RALYL: variants seen among roughly 807,000 people sequenced by gnomAD.
RALYL encodes the protein RALY RNA binding protein like, also known as RNA-binding Raly-like protein.
Under a neutral mutation model 35.1 loss-of-function variants are expected in RALYL, and 29 were observed. The ratio of observed to expected loss-of-function variants is 0.83; its 90% CI spans 0.61 to 1.13. RALYL has a LOEUF of 1.13. Among genes scored for constraint, RALYL ranks in the 50% most tolerant of loss-of-function variants. The pLI is 0.00. For synonymous variants in RALYL, 120 were observed against 127.6 expected, an observed-to-expected ratio of 0.94 and a Z score of 0.40; for missense variants, 359 against 360.4, an observed-to-expected ratio of 1.00 and a Z score of 0.03.
intron 2 of RALYL, among the ~76,000 whole-genome samples, chr8:84,747,369 C>T (rs1480052198): frequency 6.6e-6 from 1 of 151,736 alleles, no homozygotes; most frequent in Admixed American, 6.6e-5. Flanking sequence ...CCAATTTATA[C>T]ATTAGGTAAT....
chr8:84,362,918 A>C (rs1411828099), intron 1 of RALYL, among the ~76,000 whole-genome samples: 1 of 152,202 alleles, frequency 6.6e-6, no homozygotes, highest in Non-Finnish European at 1.5e-5. Flanking sequence ...GATTGGGATT[A>C]AACCTTATAC....
chr8:84,729,673 T>C (rs923375450), intron 2 of RALYL, among the ~76,000 whole-genome samples: 16 of 152,024 alleles, frequency 1.1e-4, no homozygotes, highest in Admixed American at 2.0e-4. Context: ...AAGAATCAAA[T>C]AGACGCAATA....
chr8:84,824,965 C>A (rs1006083768), intron 4 of RALYL, among the ~76,000 whole-genome samples: 1 of 152,056 alleles, frequency 6.6e-6, no homozygotes, highest in Non-Finnish European at 1.5e-5. Context: ...GCTAAGTTCT[C>A]AAAAGCAATC....
intron 2 of RALYL, among the ~76,000 whole-genome samples, chr8:84,626,160 A>G (rs1822679071): frequency 1.3e-5 from 2 of 152,180 alleles, no homozygotes; most frequent in South Asian, 4.1e-4. Flanking sequence ...CTATAGTTTG[A>G]CTTTTGAACT....
chr8:84,424,301 C>T (rs2132488857), intron 1 of RALYL, among the ~76,000 whole-genome samples: 1 of 130,792 alleles, frequency 7.6e-6, no homozygotes, highest in South Asian at 2.7e-4. Context: ...TCATTCATTT[C>T]ATCTTCCATT....
intron 1 of RALYL, among the ~76,000 whole-genome samples, chr8:84,239,084 T>C (rs1337815660): frequency 6.6e-6 from 1 of 152,224 alleles, no homozygotes; most frequent in Non-Finnish European, 1.5e-5. Context: ...TGAACTATGC[T>C]TCAAAATGGC....
chr8:84,370,149 C>A (rs897448982), intron 1 of RALYL, among the ~76,000 whole-genome samples: 2 of 152,002 alleles, frequency 1.3e-5, no homozygotes, highest in Non-Finnish European at 2.9e-5. Flanking sequence ...AATTTTTGTT[C>A]TAGGATGTAT....
At chr8:84,309,871 C>T (rs950749703) in intron 1 of RALYL, among the ~76,000 whole-genome samples, 3 of 151,784 alleles carry the variant, frequency 2.0e-5, no homozygotes, top group Admixed American at 2.0e-4. Context: ...CACTGCAACC[C>T]CCGCCACCAC....
At chr8:84,788,613 G>C (rs935196063) in intron 3 of RALYL, among the ~76,000 whole-genome samples, 3 of 152,206 alleles carry the variant, frequency 2.0e-5, no homozygotes, top group Non-Finnish European at 2.9e-5. Context: ...AGTCTCCATG[G>C]TTATTAGAAA....
intron 2 of RALYL, among the ~76,000 whole-genome samples, chr8:84,598,618 A>G (rs1487541824): frequency 6.6e-6 from 1 of 152,136 alleles, no homozygotes; most frequent in East Asian, 1.9e-4. Flanking sequence ...TGTTTGTTGA[A>G]TAAATTAAAA....
chr8:84,681,471 A>G (rs1441340372), intron 2 of RALYL, among the ~76,000 whole-genome samples: 7 of 143,936 alleles, frequency 4.9e-5, no homozygotes, highest in Admixed American at 1.4e-4. Flanking sequence ...ATTCCTATCC[A>G]TGAGCATGGA....
At chr8:84,696,390 C>A (rs1022467315) in intron 2 of RALYL, among the ~76,000 whole-genome samples, 12 of 151,946 alleles carry the variant, frequency 7.9e-5, no homozygotes, top group African/African-American at 2.9e-4. Flanking sequence ...TAGGTAGTCA[C>A]AAGCTGAAAT....
At chr8:84,189,989 C>T (rs183062611) in intron 1 of RALYL, among the ~76,000 whole-genome samples, 1 of 152,282 alleles carries the variant, frequency 6.6e-6, no homozygotes, top group Admixed American at 6.5e-5. Flanking sequence ...TTGTGAGTTA[C>T]CACTGTTGCT....
intron 2 of RALYL, among the ~76,000 whole-genome samples, chr8:84,551,737 C>T (rs1379457917): frequency 4.6e-5 from 7 of 152,030 alleles, no homozygotes; most frequent in African/African-American, 7.2e-5. Flanking sequence ...CAGAGAGCCA[C>T]GTATAATTTA....
At chr8:84,197,364 T>C (rs1815580189) in intron 1 of RALYL, among the ~76,000 whole-genome samples, 1 of 152,230 alleles carries the variant, frequency 6.6e-6, no homozygotes, top group Admixed American at 6.5e-5. Context: ...TGTTTTCTAA[T>C]ATGGAGTTAA....
intron 4 of RALYL, among the ~76,000 whole-genome samples, chr8:84,842,699 C>T (rs536782237): frequency 1.3e-5 from 2 of 152,280 alleles, no homozygotes; most frequent in Admixed American, 6.5e-5. Context: ...CCTTGATGAA[C>T]ATCAATGCAA....
intron 1 of RALYL, among the ~76,000 whole-genome samples, chr8:84,486,813 G>A (rs777635838): frequency 8.6e-5 from 13 of 151,894 alleles, no homozygotes; most frequent in Non-Finnish European, 1.5e-4. Context: ...AATGTATTTT[G>A]TTGTGGTTAA....
chr8:84,521,526 C>T (rs1246850265), intron 1 of RALYL, among the ~76,000 whole-genome samples: 1 of 152,142 alleles, frequency 6.6e-6, no homozygotes, highest in Non-Finnish European at 1.5e-5. Context: ...CCTTATGAAC[C>T]AAGGTGATGG....
chr8:84,903,671 A>G (rs1476507463), intron 8 of RALYL, among the ~76,000 whole-genome samples: 1 of 152,172 alleles, frequency 6.6e-6, no homozygotes, highest in Non-Finnish European at 1.5e-5. Flanking sequence ...GTTTGCCCAG[A>G]ATGCCTATTT....
Sources: gnomAD v4.1 joint callset for allele counts (sites outside exome capture counted in the v4.1 genomes callset) on GRCh38, gnomAD v4.1.1 for gene constraint, MANE v1.5 for transcripts, NCBI Gene and HGNC (gene_info 2026-07-23, HGNC 2026-07-21) for gene names.